Variants in CREB5 observed in about 807,000 individuals in gnomAD.
CREB5 encodes the protein cAMP responsive element binding protein 5.
In CREB5, 19 loss-of-function variants were observed where a neutral mutation model predicts 57.1. The observed-to-expected ratio is 0.33, with a 90% CI of 0.23 to 0.49. The LOEUF is 0.49. CREB5 is among the 20% of genes least tolerant of loss of function. CREB5 has a pLI of 0.99. For missense variants in CREB5, 579 were observed against 671.6 expected, an observed-to-expected ratio of 0.86 and a Z score of 1.52; for synonymous variants, 238 against 238.3, an observed-to-expected ratio of 1.00 and a Z score of 0.01.
chr7:28,487,806 C>T (rs1791631337), intron 1 of CREB5, among the ~76,000 whole-genome samples: 1 of 152,208 alleles, frequency 6.6e-6, no homozygotes, highest in Admixed American at 6.5e-5. Flanking sequence ...TTCAGCAGGA[C>T]TGGACAAGGG....
At chr7:28,420,376 A>G (rs1178736072) in intron 1 of CREB5, among the ~76,000 whole-genome samples, 5 of 152,198 alleles carry the variant, frequency 3.3e-5, no homozygotes, top group Non-Finnish European at 7.3e-5. Flanking sequence ...ATATTTTAGG[A>G]GATCTATTTA....
At chr7:28,342,132 G>A (rs147839913) in intron 1 of CREB5, among the ~76,000 whole-genome samples, 3 of 152,190 alleles carry the variant, frequency 2.0e-5, no homozygotes, top group African/African-American at 7.2e-5. Context: ...AGAATGTCCT[G>A]TCCCCCTCTG....
chr7:28,547,704 G>A (rs551903395), intron 4 of CREB5, among the ~76,000 whole-genome samples: 266 of 152,272 alleles, frequency 1.7e-3, no homozygotes, highest in African/African-American at 6.2e-3. Flanking sequence ...TCACACCTCT[G>A]AACTCTTCCC....
rs367885203 is a variant in CREB5, at chr7:28,570,494, A to G, written c.421A>G (p.Ser141Gly). 1 of 1,613,960 alleles carries G rather than the reference A, an allele frequency of 6.2e-7. No homozygotes were observed. The highest frequency in any genetic ancestry group is 1.3e-5 in the African/African-American group (1 of 74,906). ...GCAAGCCATGCCGTCGCCTCAGTCC[A>G]GCTCTGTCATCACTCAGGCACCTTC... ...IQQAMPSPQSSSVITQAPSTN... is the reference protein window; with the variant it reads ...IQQAMPSPQSGSVITQAPSTN... The change falls in exon 5 of 11, where the codon AGC becomes GGC. Residue 141 changes from serine to glycine, a missense_variant. Ser to Gly is a moderately conservative substitution (Grantham distance 56, BLOSUM62 0). Coordinates refer to ENST00000357727, the MANE Select transcript of CREB5 (RefSeq NM_182898.4).
At chr7:28,371,720 C>T (rs1475653098) in intron 1 of CREB5, among the ~76,000 whole-genome samples, 4 of 152,084 alleles carry the variant, frequency 2.6e-5, no homozygotes, top group Non-Finnish European at 5.9e-5. Context: ...TTGGAAGTCC[C>T]GCCCCTTTGT....
intron 4 of CREB5, among the ~76,000 whole-genome samples, chr7:28,536,698 T>C (rs1384279905): frequency 1.3e-5 from 2 of 152,216 alleles, no homozygotes; most frequent in African/African-American, 4.8e-5. Flanking sequence ...TTACTGAACA[T>C]GGGTGTGGAA....
chr7:28,682,691 G>C (rs913877597), intron 5 of CREB5, among the ~76,000 whole-genome samples: 15 of 148,802 alleles, frequency 1.0e-4, no homozygotes, highest in East Asian at 3.9e-4. Flanking sequence ...GTGGGGGGGG[G>C]GGGAAACCCC....
rs1001721672 is a variant in CREB5 at position 28,820,386 on chromosome 7, A to G, written c.*1107A>G. ...TTCACTACACAGATTACATTGTTCA[A>G]TCATCAGCTGCTAATAGCCTAAGAT... On this transcript the variant is annotated 3_prime_UTR_variant, in exon 11 of 11. Coordinates refer to ENST00000357727, the MANE Select transcript of CREB5 (RefSeq NM_182898.4). The G allele has an allele frequency of 2.0e-5, 3 of 152,182 alleles. No homozygotes were observed. The highest frequency in any genetic ancestry group is 7.3e-5 in the African/African-American group (3 of 41,248). 9.4% of individuals were successfully genotyped at this position (152,182 alleles called of 1,614,324 possible).
At chr7:28,721,263 C>A (rs1803018656) in intron 6 of CREB5, among the ~76,000 whole-genome samples, 1 of 152,178 alleles carries the variant, frequency 6.6e-6, no homozygotes, top group Admixed American at 6.5e-5. Context: ...CTACAATGCA[C>A]AAGACAGCCC....
chr7:28,599,075 T>C (rs921632991), intron 5 of CREB5, among the ~76,000 whole-genome samples: 2 of 152,188 alleles, frequency 1.3e-5, no homozygotes, highest in African/African-American at 4.8e-5. Flanking sequence ...CTTTGTATAG[T>C]AAATTACATG....
At chr7:28,746,792 A>G (rs956832819) in intron 7 of CREB5, among the ~76,000 whole-genome samples, 1 of 152,186 alleles carries the variant, frequency 6.6e-6, no homozygotes, top group East Asian at 1.9e-4. Context: ...CCCACTGGGT[A>G]CACAACTAAA....
chr7:28,438,317 G>A (rs1467166397), intron 1 of CREB5, among the ~76,000 whole-genome samples: 1 of 152,030 alleles, frequency 6.6e-6, no homozygotes, highest in East Asian at 1.9e-4. Flanking sequence ...TCCAAAAACG[G>A]GCAGGGTATG....
intron 1 of CREB5, among the ~76,000 whole-genome samples, chr7:28,311,514 A>G (rs1482372921): frequency 6.6e-6 from 1 of 152,156 alleles, no homozygotes; most frequent in Non-Finnish European, 1.5e-5. Flanking sequence ...CTCCTTTTAC[A>G]CATTTAAAAC....
chr7:28,384,136 C>T (rs56920470), intron 1 of CREB5, among the ~76,000 whole-genome samples: 1,721 of 152,206 alleles, frequency 0.011, 23 homozygotes, highest in Middle Eastern at 0.065. Flanking sequence ...TTAAGGTTAG[C>T]AGCCAGACAT....
At chr7:28,732,865 C>T (rs1803741638) in intron 7 of CREB5, among the ~76,000 whole-genome samples, 1 of 139,094 alleles carries the variant, frequency 7.2e-6, no homozygotes, top group Non-Finnish European at 1.6e-5. Flanking sequence ...TTCTTAAAAC[C>T]CAAGAATCCA....
At chr7:28,368,636 C>T (rs79481252) in intron 1 of CREB5, among the ~76,000 whole-genome samples, 174 of 152,286 alleles carry the variant, frequency 1.1e-3, no homozygotes, top group African/African-American at 4.0e-3. Context: ...GGTCCCATTG[C>T]TACCTCATTT....
chr7:28,638,304 C>A lies in CREB5; in HGVS notation c.464+67767C>A, dbSNP rs567738374. Among the ~76,000 whole-genome samples the A allele has an allele frequency of 3.8e-3, 567 of 150,156 alleles. 3 individuals are homozygous for A. Among genetic ancestry groups the A allele is most frequent in the African/African-American group, 0.012 (496 of 41,142 alleles). On this transcript the variant is annotated intron_variant, in intron 5 of 10. Transcript: ENST00000357727. ...ACACACACACACACACGAACACACA[C>A]ACACACAGTGAGGGCTGGTTGCTAG...
Position 28,823,659 on chromosome 7 carries a change from A to C in CREB5, c.*4380A>C, listed in dbSNP as rs1809909442. 1 of 152,252 alleles carries C rather than the reference A, an allele frequency of 6.6e-6. No individual in the cohort carries two copies. Among genetic ancestry groups the C allele is most frequent in the South Asian group, 2.1e-4 (1 of 4,828 alleles). The allele number at this position is 152,252 out of a possible 1,614,324, so 9.4% of individuals were successfully genotyped here. A position where few individuals can be genotyped will look rare whatever the true frequency, so the allele number is the denominator to read the frequency against. ...TAGGAAGCAGAGTTCAGCTAAAGGG[A>C]ATCAGTAACTCTAACTGGAACAGCT... On this transcript the variant is annotated 3_prime_UTR_variant, in exon 11 of 11. Coordinates refer to ENST00000357727, the MANE Select transcript of CREB5 (RefSeq NM_182898.4).
intron 1 of CREB5, among the ~76,000 whole-genome samples, chr7:28,333,839 T>C (rs1039496305): frequency 1.3e-5 from 2 of 152,218 alleles, no homozygotes; most frequent in Admixed American, 1.3e-4. Context: ...CTGTAATGAA[T>C]AGTGCTGCAA....
Sources: gnomAD v4.1 joint callset for allele counts (sites outside exome capture counted in the v4.1 genomes callset) on GRCh38, gnomAD v4.1.1 for gene constraint, MANE v1.5 for transcripts, NCBI Gene and HGNC (gene_info 2026-07-23, HGNC 2026-07-21) for gene names.